The following PTPRG variants were observed in gnomAD, a reference collection of about 807,000 sequenced individuals.
PTPRG encodes protein tyrosine phosphatase receptor type G, also known as receptor-type tyrosine-protein phosphatase gamma.
A neutral mutation model predicts 165.3 loss-of-function variants in PTPRG; 102 were observed. The ratio of observed to expected loss-of-function variants is 0.62; its 90% CI spans 0.53 to 0.73. The LOEUF is 0.73. Ranked by LOEUF, PTPRG falls within the 30% of genes least tolerant of loss-of-function variation. The probability of loss-of-function intolerance (pLI) is 0.00; values close to 1 mark genes in which losing one functional copy is unlikely to be tolerated. For synonymous variants in PTPRG, 675 were observed against 669.5 expected, an observed-to-expected ratio of 1.01 and a Z score of -0.13; for missense variants, 1,866 against 1,861.4, an observed-to-expected ratio of 1.00 and a Z score of -0.05.
chr3:62,042,698 C>T (rs748491548), intron 4 of PTPRG, among the ~76,000 whole-genome samples: 97 of 152,194 alleles, frequency 6.4e-4, no homozygotes, highest in Non-Finnish European at 1.1e-3. Context: ...CTTCTCCTTT[C>T]ATAGCTTCTA....
chr3:61,694,347 G>C (rs2030427693), intron 1 of PTPRG, among the ~76,000 whole-genome samples: 1 of 152,186 alleles, frequency 6.6e-6, no homozygotes, highest in Admixed American at 6.5e-5. Flanking sequence ...TAAAACCACA[G>C]TGAGGTAACA....
chr3:61,636,597 C>T (rs952347174), intron 1 of PTPRG, among the ~76,000 whole-genome samples: 1 of 152,246 alleles, frequency 6.6e-6, no homozygotes, highest in African/African-American at 2.4e-5. Context: ...GCTGGGATTA[C>T]AGGCGTGAGC....
chr3:61,890,993 C>CT (rs1271485251), intron 2 of PTPRG, among the ~76,000 whole-genome samples: 1 of 152,034 alleles, frequency 6.6e-6, no homozygotes, highest in African/African-American at 2.4e-5. Flanking sequence ...CGGATAGCAA[C>CT]TTTTTTTTCC....
chr3:61,832,140 A>G (rs2036313972), intron 2 of PTPRG, among the ~76,000 whole-genome samples: 1 of 152,216 alleles, frequency 6.6e-6, no homozygotes. Flanking sequence ...GGTGCTTTGC[A>G]TGCACAATTC....
intron 2 of PTPRG, among the ~76,000 whole-genome samples, chr3:61,887,015 T>A (rs573309703): frequency 3.3e-5 from 5 of 151,110 alleles, no homozygotes; most frequent in Non-Finnish European, 7.4e-5. Flanking sequence ...TGTGCGCTAC[T>A]AATATCTTGT....
At chr3:61,823,439 G>A (rs1291905056) in intron 2 of PTPRG, among the ~76,000 whole-genome samples, 2 of 152,054 alleles carry the variant, frequency 1.3e-5, no homozygotes, top group South Asian at 2.1e-4. Context: ...CCACCGCCTC[G>A]GCCTCCCAAA....
At chr3:62,285,333 C>T (rs894197699) in intron 28 of PTPRG, among the ~76,000 whole-genome samples, 20 of 152,060 alleles carry the variant, frequency 1.3e-4, no homozygotes, top group Admixed American at 4.6e-4. Flanking sequence ...ATTTTGGCTG[C>T]TTAAATTCTT....
In PTPRG at chr3:61,561,854, G is replaced by GCGCCGCGCTCAGCCC. The variant is rs1699759914; in HGVS notation, c.-427_-413dup. The stretch of plus-strand genomic sequence containing the variant: ...TGCCTGCCTGAAGCCCGGAGACGCC[G>GCGCCGCGCTCAGCCC]CGCCGCGCTCAGCCCCGCCGCCGCC... On this transcript the variant is annotated 5_prime_UTR_variant, in exon 1 of 30. Coordinates refer to ENST00000474889, the MANE Select transcript of PTPRG (RefSeq NM_002841.4). 1 of 153,380 alleles carries GCGCCGCGCTCAGCCC rather than the reference G, an allele frequency of 6.5e-6. No homozygotes were observed. The highest frequency in any genetic ancestry group is 1.5e-5 in the Non-Finnish European group (1 of 68,868). The allele number at this position is 153,380 out of a possible 1,614,324, so 9.5% of individuals were successfully genotyped here.
At chr3:61,811,887 A>G (rs77751751) in intron 2 of PTPRG, among the ~76,000 whole-genome samples, 9,800 of 152,278 alleles carry the variant, frequency 0.064, 392 homozygotes, top group Middle Eastern at 0.11. Flanking sequence ...GAATAAAATT[A>G]GGTTACAAAT....
Position 62,203,930 on chromosome 3 carries a change from G to C in PTPRG, c.2135G>C (p.Arg712Thr). The change falls in exon 12 of 30, where the codon AGA becomes ACA. Residue 712 changes from arginine (R) to threonine (T), a missense_variant. Around this residue, in one of 3 missense-constraint regions of PTPRG, gnomAD observed 1,452 missense variants for 1,463.0 expected, o/e 0.99. Transcript: ENST00000474889. This position sits in a 1 kb window ranked among gnomAD's most constrained non-coding sequence, Gnocchi z 6.4. ...GGGGACCGATTTTCTGAAGACAGCA[G>C]ATTTATCACTGTTAATCCAGGTAAG... ...SRGDRFSEDS[R>T]FITVNPAEKN... 1 of 1,587,492 alleles carries C rather than the reference G, an allele frequency of 6.3e-7. No homozygotes were observed. Among genetic ancestry groups the C allele is most frequent in the African/African-American group, 1.3e-5 (1 of 74,344 alleles).
chr3:61,880,549 G>C (rs1049362661), intron 2 of PTPRG, among the ~76,000 whole-genome samples: 3 of 149,248 alleles, frequency 2.0e-5, no homozygotes, highest in Admixed American at 6.7e-5. Context: ...GCTTGAGCTT[G>C]GAAAGTCGAA....
At chr3:61,821,392 A>G (rs558201500) in intron 2 of PTPRG, among the ~76,000 whole-genome samples, 80 of 152,252 alleles carry the variant, frequency 5.3e-4, no homozygotes, top group African/African-American at 1.8e-3. Flanking sequence ...GATGGTCTCT[A>G]TCTCCTGACC....
rs142355255 is a variant in PTPRG at position 61,915,039 on chromosome 3, A to T, written c.191-74586A>T. The stretch of plus-strand genomic sequence containing the variant: ...AGGTCAGGAGTTCCAGGCCAGCCTG[A>T]ACAACATGGTGAAACCCCGTCTCTA... On this transcript the variant is annotated intron_variant, in intron 2 of 29. Coordinates refer to ENST00000474889, the MANE Select transcript of PTPRG (RefSeq NM_002841.4). Among the ~76,000 whole-genome samples, 296 of 152,306 alleles carry T rather than the reference A, an allele frequency of 1.9e-3. 1 individual carries two copies. The highest frequency in any genetic ancestry group is 7.0e-3 in the East Asian group (36 of 5,170).
At chr3:62,006,514 A>G (rs2041302051) in intron 4 of PTPRG, among the ~76,000 whole-genome samples, 1 of 152,204 alleles carries the variant, frequency 6.6e-6, no homozygotes, top group African/African-American at 2.4e-5. Context: ...TCATTCTTAA[A>G]AACTAGAATG....
At chr3:62,001,573 T>C (rs2041172859) in intron 3 of PTPRG, among the ~76,000 whole-genome samples, 1 of 151,676 alleles carries the variant, frequency 6.6e-6, no homozygotes, top group Admixed American at 6.6e-5. Context: ...TATAATATAA[T>C]ATTTTAGAAG....
intron 2 of PTPRG, among the ~76,000 whole-genome samples, chr3:61,971,213 C>T (rs79843493): frequency 0.14 from 22,019 of 152,078 alleles, 1,857 homozygotes; most frequent in Middle Eastern, 0.18. Flanking sequence ...CAACCATGTC[C>T]GGCTAATTTT....
intron 1 of PTPRG, among the ~76,000 whole-genome samples, chr3:61,713,108 T>A (rs1026426423): frequency 3.9e-5 from 6 of 152,182 alleles, no homozygotes; most frequent in African/African-American, 1.4e-4. Context: ...TGTCTTTGGG[T>A]TCAGAGTTAT....
intron 1 of PTPRG, among the ~76,000 whole-genome samples, chr3:61,726,378 G>T (rs990172361): frequency 3.3e-5 from 5 of 152,082 alleles, no homozygotes; most frequent in African/African-American, 1.2e-4. Context: ...ATAGGATTTG[G>T]TTGTTAGAGT....
intron 2 of PTPRG, among the ~76,000 whole-genome samples, chr3:61,772,743 C>G (rs763041536): frequency 6.6e-6 from 1 of 152,184 alleles, no homozygotes; most frequent in Non-Finnish European, 1.5e-5. Flanking sequence ...GATGGACATT[C>G]ACTTTGTATC....
Sources: gnomAD v4.1 joint callset for allele counts (sites outside exome capture counted in the v4.1 genomes callset) on GRCh38, gnomAD v4.1.1 for gene constraint, gnomAD v4.1.1 regional missense constraint, Gnocchi (gnomAD v3.1) non-coding constraint, MANE v1.5 for transcripts, NCBI Gene and HGNC (gene_info 2026-07-23, HGNC 2026-07-21) for gene names.